The following SENP7 variants were observed in gnomAD, a reference collection of about 807,000 sequenced individuals.
SENP7 encodes the protein sentrin-specific protease 7.
SENP7 carries 64 observed loss-of-function variants against 141.2 expected under a neutral mutation model. The ratio of observed to expected loss-of-function variants is 0.45; its 90% confidence interval spans 0.37 to 0.56. The LOEUF is 0.56. Among genes scored for constraint, SENP7 ranks in the 20% least tolerant of loss-of-function variants. SENP7 has a pLI of 0.00. For missense variants in SENP7, 1,025 were observed against 1,212.2 expected (o/e 0.85, Z 2.29); for synonymous variants, 382 against 426.4 (o/e 0.90, Z 1.28).
chr3:101,369,754 G>C (rs1329397471), intron 7 of SENP7, among the ~76,000 whole-genome samples: 1 of 152,066 alleles, frequency 6.6e-6, no homozygotes, highest in Non-Finnish European at 1.5e-5. Context: ...TTTATTATTT[G>C]CATATCAGTC....
chr3:101,371,711 TGG>T (rs1465161881), intron 7 of SENP7, among the ~76,000 whole-genome samples: 2 of 152,074 alleles, frequency 1.3e-5, no homozygotes, highest in African/African-American at 4.8e-5. Context: ...TTAATATCCA[TGG>T]AAACAACACT....
At chr3:101,452,504 T>G (rs1358469233) in intron 4 of SENP7, among the ~76,000 whole-genome samples, 1 of 152,174 alleles carries the variant, frequency 6.6e-6, no homozygotes, top group Non-Finnish European at 1.5e-5. Context: ...ATGGTACTGG[T>G]ACCAAAACAG....
At chr3:101,330,535 G>A (rs2059022327) in intron 19 of SENP7, 149 bp from the exon 20 acceptor site, 1 of 491,496 alleles carries the variant, frequency 2.0e-6, no homozygotes, top group Non-Finnish European at 3.6e-6. Context: ...TTAATGTTAT[G>A]AATAAAATTC....
chr3:101,499,661 G>A (rs547609289), intron 2 of SENP7, among the ~76,000 whole-genome samples: 26 of 151,184 alleles, frequency 1.7e-4, no homozygotes, highest in African/African-American at 5.8e-4. Flanking sequence ...TCAGCCTCCC[G>A]AGTAGCTGGG....
At chr3:101,386,952 A>G (rs1166235723) in intron 6 of SENP7, among the ~76,000 whole-genome samples, 1 of 152,198 alleles carries the variant, frequency 6.6e-6, no homozygotes, top group African/African-American at 2.4e-5. Flanking sequence ...AGCCCTGCCA[A>G]CGCCACCAAT....
At chr3:101,385,992 T>C (rs1473244683) in intron 6 of SENP7, among the ~76,000 whole-genome samples, 2 of 151,868 alleles carry the variant, frequency 1.3e-5, no homozygotes, top group African/African-American at 2.4e-5. Flanking sequence ...AGATAGGAAA[T>C]ACAGAATAAT....
intron 3 of SENP7, among the ~76,000 whole-genome samples, chr3:101,477,270 A>T (rs1205530840): frequency 2.6e-5 from 4 of 152,200 alleles, no homozygotes. Context: ...GGAAAAAAAA[A>T]TTAGAAACCA....
intron 11 of SENP7, chr3:101,357,994 T>C: frequency 1.6e-6 from 1 of 633,500 alleles, no homozygotes; most frequent in Non-Finnish European, 2.6e-6. Context: ...AGAAAATTCT[T>C]ATTGGAGAGA....
chr3:101,484,290 G>A (rs989297204), intron 3 of SENP7, among the ~76,000 whole-genome samples: 2 of 152,158 alleles, frequency 1.3e-5, no homozygotes, highest in African/African-American at 4.8e-5. Context: ...TGAAAATGAC[G>A]TATCTGCTAC....
intron 4 of SENP7, among the ~76,000 whole-genome samples, chr3:101,448,179 G>C (rs540518635): frequency 6.6e-6 from 1 of 152,248 alleles, no homozygotes; most frequent in South Asian, 2.1e-4. Flanking sequence ...CATGACCTTG[G>C]ATTAGGCAGT....
chr3:101,427,701 T>TTTA, intron 4 of SENP7, among the ~76,000 whole-genome samples: 1 of 152,028 alleles, frequency 6.6e-6, no homozygotes, highest in East Asian at 1.9e-4. Flanking sequence ...AAATTTTTTA[T>TTTA]TTATTATTAT....
chr3:101,429,600 G>A (rs1009087058), intron 4 of SENP7, among the ~76,000 whole-genome samples: 1 of 152,128 alleles, frequency 6.6e-6, no homozygotes, highest in Non-Finnish European at 1.5e-5. Flanking sequence ...CTGAGACGAT[G>A]GGGTTTCCTA....
intron 4 of SENP7, among the ~76,000 whole-genome samples, chr3:101,423,942 G>C (rs1366780695): frequency 2.6e-5 from 4 of 152,200 alleles, no homozygotes. Context: ...CACACCAGCT[G>C]ATGTGGAGCC....
chr3:101,493,238 A>T (rs958479831), intron 3 of SENP7, among the ~76,000 whole-genome samples: 1 of 152,146 alleles, frequency 6.6e-6, no homozygotes, highest in African/African-American at 2.4e-5. Flanking sequence ...GGGGCCTTTC[A>T]GAGGTTGGAG....
At chr3:101,356,091 A>G (rs1391471897) in intron 11 of SENP7, among the ~76,000 whole-genome samples, 2 of 152,132 alleles carry the variant, frequency 1.3e-5, no homozygotes, top group Non-Finnish European at 2.9e-5. Context: ...AATTAGTAAA[A>G]TAATATAGTA....
At chr3:101,453,021 A>C (rs2063205957) in intron 4 of SENP7, among the ~76,000 whole-genome samples, 2 of 152,320 alleles carry the variant, frequency 1.3e-5, no homozygotes, top group Non-Finnish European at 2.9e-5. Context: ...ATTTATAAGA[A>C]AAAAACAAAC....
chr3:101,334,522 T>C (rs485793), intron 17 of SENP7, among the ~76,000 whole-genome samples: 132,508 of 152,156 alleles, frequency 0.87, 58,269 homozygotes, highest in East Asian at 1. Flanking sequence ...TAGCCAAAAC[T>C]CTATGGGTAA....
intron 3 of SENP7, among the ~76,000 whole-genome samples, chr3:101,463,422 CACAT>C (rs2063656911): frequency 1.2e-5 from 1 of 84,038 alleles, no homozygotes; most frequent in African/African-American, 4.1e-5. Flanking sequence ...TATATACACA[CACAT>C]ATAAAATAAA....
At chr3:101,334,988 G>A (rs770063300) in intron 17 of SENP7, among the ~76,000 whole-genome samples, 4 of 152,086 alleles carry the variant, frequency 2.6e-5, no homozygotes, top group Admixed American at 6.5e-5. Context: ...TCCAAGCACC[G>A]AGCAAGGTAC....
Sources: allele counts gnomAD v4.1 joint callset (sites outside exome capture counted in the v4.1 genomes callset), GRCh38; gene constraint gnomAD v4.1.1; transcripts MANE v1.5; gene names NCBI Gene and HGNC (gene_info 2026-07-23, HGNC 2026-07-21).